CCDC7: variants seen among roughly 807,000 people sequenced by gnomAD.
CCDC7 encodes the protein coiled-coil domain containing 7, also known as coiled-coil domain-containing protein 7.
CCDC7 carries 183 observed loss-of-function variants against 196.9 expected under a neutral mutation model. The observed-to-expected ratio is 0.93, with a 90% confidence interval of 0.82 to 1.05. The LOEUF (loss-of-function observed/expected upper bound fraction) is 1.05. Ranked by LOEUF, CCDC7 falls within the 50% of genes least tolerant of loss-of-function variation. The pLI, the probability that CCDC7 is intolerant of heterozygous loss-of-function variation, is 0.00. For synonymous variants in CCDC7, 525 were observed against 484.6 expected, an observed-to-expected ratio of 1.08 and a Z score of -1.10; for missense variants, 1,540 against 1,482.2, an observed-to-expected ratio of 1.04 and a Z score of -0.64.
chr10:32,545,740 T>C (rs1457577378), intron 13 of CCDC7, among the ~76,000 whole-genome samples: 1 of 151,786 alleles, frequency 6.6e-6, no homozygotes, highest in Non-Finnish European at 1.5e-5. Context: ...ACCCTGTCTC[T>C]ACCAAAAATA....
At chr10:32,860,547 T>C (rs963625008) in intron 41 of CCDC7, among the ~76,000 whole-genome samples, 2 of 152,144 alleles carry the variant, frequency 1.3e-5, no homozygotes, top group Admixed American at 1.3e-4. Flanking sequence ...CAACATAGTG[T>C]TGGAAGTTCT....
chr10:32,820,023 A>G (rs146893002), intron 31 of CCDC7, among the ~76,000 whole-genome samples: 6,943 of 152,238 alleles, frequency 0.046, 535 homozygotes, highest in African/African-American at 0.16. Flanking sequence ...AGGAAGTCAC[A>G]TTGTCCGTGT....
intron 24 of CCDC7, among the ~76,000 whole-genome samples, chr10:32,705,332 A>G (rs979000212): frequency 6.6e-5 from 10 of 152,164 alleles, no homozygotes; most frequent in Admixed American, 2.0e-4. Flanking sequence ...TAAACATGGA[A>G]AGGAACAACT....
intron 28 of CCDC7, among the ~76,000 whole-genome samples, chr10:32,731,698 A>C (rs1254895593): frequency 1.3e-5 from 2 of 152,174 alleles, no homozygotes; most frequent in Admixed American, 1.3e-4. Flanking sequence ...CATTTTGAAA[A>C]TGTGTCAGAG....
At chr10:32,677,202 C>T (rs1356688443) in intron 21 of CCDC7, among the ~76,000 whole-genome samples, 2 of 110,288 alleles carry the variant, frequency 1.8e-5, no homozygotes, top group East Asian at 5.4e-4. Context: ...ACATCACACT[C>T]TGGGGACTGT....
chr10:32,808,304 AG>A (rs2086294445), intron 30 of CCDC7, among the ~76,000 whole-genome samples: 1 of 152,110 alleles, frequency 6.6e-6, no homozygotes, highest in Non-Finnish European at 1.5e-5. Flanking sequence ...CCTGATTACC[AG>A]GGGACCTCAC....
At chr10:32,702,006 TG>T (rs1456914229) in intron 24 of CCDC7, among the ~76,000 whole-genome samples, 2 of 152,198 alleles carry the variant, frequency 1.3e-5, no homozygotes, top group African/African-American at 4.8e-5. Context: ...GGGTTTTTTG[TG>T]TCTCTATTTC....
chr10:32,825,617 T>C (rs1166075323), intron 32 of CCDC7, among the ~76,000 whole-genome samples: 1 of 152,214 alleles, frequency 6.6e-6, no homozygotes, highest in Non-Finnish European at 1.5e-5. Flanking sequence ...GGAGTGGTTC[T>C]AGAGGAACAG....
intron 20 of CCDC7, among the ~76,000 whole-genome samples, chr10:32,646,577 T>C (rs577588438): frequency 3.3e-5 from 5 of 152,166 alleles, no homozygotes; most frequent in African/African-American, 1.2e-4. Flanking sequence ...TATATTTTCA[T>C]TTTTTTATTT....
Position 32,642,418 on chromosome 10 carries a change from C to T in CCDC7, c.2014+7260C>T, listed in dbSNP as rs571143238. ...CTCAGACTGCTGTGCTAGCAATGAGCGAGGCTCCGTGGGCGTAGGACCCTC... is the reference window on the plus strand; with the variant it reads ...CTCAGACTGCTGTGCTAGCAATGAGTGAGGCTCCGTGGGCGTAGGACCCTC... On this transcript the variant is annotated intron_variant, in intron 20 of 41. Coordinates refer to ENST00000639629, the Ensembl canonical transcript of CCDC7. Among the ~76,000 whole-genome samples the T allele has an allele frequency of 1.4e-3, 219 of 152,270 alleles. 1 individual carries two copies. Among genetic ancestry groups the T allele is most frequent in the African/African-American group, 5.0e-3 (206 of 41,552 alleles).
chr10:32,779,010 C>G lies in CCDC7; in HGVS notation c.2939C>G (p.Thr980Arg), dbSNP rs1385076478. The G allele has an allele frequency of 1.9e-6, 3 of 1,550,004 alleles. No individual in the cohort carries two copies. The African/African-American group carries it at 4.1e-5, about 21-fold the overall frequency. Residue 980 changes from threonine to arginine, a missense_variant, in exon 29 of 42, where the codon ACA becomes AGA. By Grantham distance (71) the Thr-to-Arg change is moderately conservative. Coordinates refer to ENST00000639629, the Ensembl canonical transcript of CCDC7. ...GAAGCAGCCTCAGAACTTCCAGATA[C>G]AGCAGAAAATCTTCCAGCAATGTAC...
chr10:32,814,756 C>G (rs771298360), intron 31 of CCDC7, among the ~76,000 whole-genome samples: 4 of 152,160 alleles, frequency 2.6e-5, no homozygotes, highest in Non-Finnish European at 5.9e-5. Context: ...AACATCTCAG[C>G]TGCAATAAAG....
At chr10:32,451,313 G>A (rs1178817047), upstream of CCDC7, among the ~76,000 whole-genome samples, 1 of 152,054 alleles carries the variant, frequency 6.6e-6, no homozygotes, top group East Asian at 1.9e-4. Context: ...TATATAAAGG[G>A]CATACCTTAG....
chr10:32,532,128 A>G (rs908000898), intron 11 of CCDC7, among the ~76,000 whole-genome samples: 10 of 151,940 alleles, frequency 6.6e-5, no homozygotes, highest in African/African-American at 2.4e-4. Flanking sequence ...GTTCATCATT[A>G]GGTTATTTGA....
At chr10:32,556,749 A>G (rs1323527603) in intron 13 of CCDC7, among the ~76,000 whole-genome samples, 1 of 152,228 alleles carries the variant, frequency 6.6e-6, no homozygotes, top group African/African-American at 2.4e-5. Flanking sequence ...TGCTTTCTTT[A>G]AAAATCTCAG....
chr10:32,811,153 G>A (rs1284133600), intron 30 of CCDC7, among the ~76,000 whole-genome samples: 2 of 151,546 alleles, frequency 1.3e-5, no homozygotes, highest in Admixed American at 1.3e-4. Flanking sequence ...TAGAAGAAAA[G>A]CAAAAAGGAT....
At chr10:32,714,158 A>C (rs924538302) in intron 25 of CCDC7, among the ~76,000 whole-genome samples, 3 of 152,170 alleles carry the variant, frequency 2.0e-5, no homozygotes, top group Non-Finnish European at 4.4e-5. Flanking sequence ...CAGTGATACC[A>C]ATGCAGAAGG....
At chr10:32,451,992 G>C (rs1474630169) in intron 1 of CCDC7, 71 bp downstream of exon 2, 2 of 1,490,148 alleles carry the variant, frequency 1.3e-6, no homozygotes, top group South Asian at 2.8e-5. Flanking sequence ...GTGCTAGGAG[G>C]ACTCACATGA....
At chr10:32,845,048 G>A (rs888316034) in intron 33 of CCDC7, among the ~76,000 whole-genome samples, 195 bp from the exon 35 acceptor site, 1 of 151,598 alleles carries the variant, frequency 6.6e-6, no homozygotes, top group African/African-American at 2.4e-5. Flanking sequence ...TTTTTTTCAA[G>A]ACTAATATTT....
Sources: gnomAD v4.1 joint callset for allele counts (sites outside exome capture counted in the v4.1 genomes callset) on GRCh38, gnomAD v4.1.1 for gene constraint, MANE v1.5 for transcripts, NCBI Gene and HGNC (gene_info 2026-07-23, HGNC 2026-07-21) for gene names.